STOML3: variants seen among roughly 807,000 people sequenced by gnomAD.
The protein encoded by STOML3 is stomatin-like protein 3.
Under a neutral mutation model 29.5 loss-of-function variants are expected in STOML3, and 31 were observed. The ratio of observed to expected loss-of-function variants is 1.05; its 90% confidence interval spans 0.79 to 1.42. The LOEUF (loss-of-function observed/expected upper bound fraction) is 1.42, where lower values mean the gene tolerates loss of function less well. Among genes scored for constraint, STOML3 ranks in the 40% most tolerant of loss-of-function variants. STOML3 has a pLI of 0.00. For synonymous variants in STOML3, 122 were observed against 139.8 expected (o/e 0.87, Z 0.90); for missense variants, 380 against 363.0 (o/e 1.05, Z -0.38).
At chr13:38,987,359 C>CA (rs1200578154) in intron 1 of STOML3, among the ~76,000 whole-genome samples, 3 of 151,894 alleles carry the variant, frequency 2.0e-5, no homozygotes, top group Non-Finnish European at 4.4e-5. Flanking sequence ...CTGATTTCTA[C>CA]AAAAAAATAC....
Position 38,966,829 on chromosome 13 carries a change from G to A in STOML3, c.872C>T (p.Ala291Val). 6.2e-7 allele frequency: 1 copy of A among 1,612,750 alleles called. No individual in the cohort carries two copies. The highest frequency in any genetic ancestry group is 8.5e-7 in the Non-Finnish European group (1 of 1,179,820). Residue 291 changes from alanine to valine, a missense_variant, in exon 7 of 7, where the codon GCC (alanine) becomes GTC (valine). By Grantham distance (64) the Ala-to-Val change is moderately conservative. Coordinates refer to ENST00000379631, the MANE Select transcript of STOML3 (RefSeq NM_145286.3). ...YDNHKKLPNK[A>V] Reference sequence around the variant, plus strand: ...GCTGACTACCGCAAGAGGACCTCAGGCTTTATTTGGAAGCTTCTTGTGGTT... The same window carrying A: ...GCTGACTACCGCAAGAGGACCTCAGACTTTATTTGGAAGCTTCTTGTGGTT...
At chr13:38,980,281 C>G (rs1254429198) in intron 1 of STOML3, 1 of 699,216 alleles carries the variant, frequency 1.4e-6, no homozygotes, top group Admixed American at 2.5e-5. Flanking sequence ...GTGAGTGCTG[C>G]TGTCACCTTC....
chr13:38,980,392 C>T (rs1881231480), intron 1 of STOML3, among the ~76,000 whole-genome samples: 2 of 152,178 alleles, frequency 1.3e-5, no homozygotes. Flanking sequence ...CACTCACTCC[C>T]ACAGTTGAAA....
At chr13:38,975,148 G>T (rs917502658) in intron 3 of STOML3, among the ~76,000 whole-genome samples, 14 of 152,028 alleles carry the variant, frequency 9.2e-5, no homozygotes, top group African/African-American at 3.4e-4. Flanking sequence ...AGGCCAACAT[G>T]GTGAAACCCC....
At chr13:38,988,387 CAT>C (rs1161537486) in intron 1 of STOML3, among the ~76,000 whole-genome samples, 1 of 86,504 alleles carries the variant, frequency 1.2e-5, no homozygotes, top group Admixed American at 1.7e-4. Context: ...TATTTTATAT[CAT>C]ATATTTTATA....
intron 1 of STOML3, among the ~76,000 whole-genome samples, chr13:38,978,604 C>CG (rs1881174804): frequency 6.6e-6 from 1 of 152,170 alleles, no homozygotes. Flanking sequence ...ACCCTACAAA[C>CG]GCCATATACT....
chr13:38,975,791 A>G (rs866114451), intron 3 of STOML3, among the ~76,000 whole-genome samples: 3 of 152,118 alleles, frequency 2.0e-5, no homozygotes, highest in Non-Finnish European at 2.9e-5. Flanking sequence ...TTTAGTATCC[A>G]CCCCAACCCC....
At chr13:38,978,310 C>A (rs140714140) in intron 1 of STOML3, among the ~76,000 whole-genome samples, 2,472 of 152,112 alleles carry the variant, frequency 0.016, 65 homozygotes, top group African/African-American at 0.057. Context: ...CCTGCCACCA[C>A]GCCTGGCTAA....
At chr13:38,988,565 T>C (rs1257364372) in intron 1 of STOML3, among the ~76,000 whole-genome samples, 1 of 109,648 alleles carries the variant, frequency 9.1e-6, no homozygotes, top group Non-Finnish European at 1.7e-5. Flanking sequence ...TTATATATAA[T>C]ATATTTTATA....
At chr13:38,970,161 G>C in intron 5 of STOML3, 24 bp downstream of exon 5, 1 of 1,593,568 alleles carries the variant, frequency 6.3e-7, no homozygotes, top group Non-Finnish European at 8.6e-7. Flanking sequence ...AAAGATACAG[G>C]CTATTAGTTC....
chr13:38,966,741 G>A lies in STOML3; in HGVS notation c.*84C>T, dbSNP rs1057432650. The A allele has an allele frequency of 2.6e-6, 3 of 1,145,890 alleles. No individual in the cohort carries two copies. Among genetic ancestry groups the A allele is most frequent in the African/African-American group, 3.1e-5 (2 of 65,158 alleles). 71.0% of individuals were successfully genotyped at this position (1,145,890 alleles called of 1,614,324 possible). A position where few individuals can be genotyped will look rare whatever the true frequency, so the allele number is the denominator to read the frequency against. On this transcript the variant is annotated 3_prime_UTR_variant, in exon 7 of 7. Coordinates refer to ENST00000379631, the MANE Select transcript of STOML3 (RefSeq NM_145286.3). ...AGTTACTGTTACATGAACAGTGTTGGAATTCTCACCGTTTCTAACTACTGG... is the reference window on the plus strand; with the variant it reads ...AGTTACTGTTACATGAACAGTGTTGAAATTCTCACCGTTTCTAACTACTGG...
chr13:38,987,926 A>C lies in STOML3; in HGVS notation c.52+2744T>G, dbSNP rs186499993. ...ATATATAATATATTATATTTTATAT[A>C]ATATATTATGTTATATATAATATAT... On this transcript the variant is annotated intron_variant, in intron 1 of 6. Coordinates refer to ENST00000379631, the MANE Select transcript of STOML3 (RefSeq NM_145286.3). Among the ~76,000 whole-genome samples, 180 of 57,936 alleles carry C rather than the reference A, an allele frequency of 3.1e-3. 2 individuals carry two copies. Among genetic ancestry groups the C allele is most frequent in the African/African-American group, 9.0e-3 (64 of 7,122 alleles). The allele number at this position is 57,936 out of a possible 152,430, so 38.0% of individuals were successfully genotyped here.
At chr13:38,979,805 A>AG (rs1593504538) in intron 1 of STOML3, among the ~76,000 whole-genome samples, 1 of 152,206 alleles carries the variant, frequency 6.6e-6, no homozygotes, top group Non-Finnish European at 1.5e-5. Flanking sequence ...AGTATTGTGA[A>AG]GGCAGCACAG....
At position 38,987,007 on chromosome 13, in the gene STOML3, C is replaced by T. The variant is rs73169454; in HGVS notation, c.52+3663G>A. On this transcript the variant is annotated intron_variant, in intron 1 of 6. Transcript: ENST00000379631. ...TCACTTTAACTCTTAGAAGACAAAACAAATCAAAAAAGAATAAAAGGGGGG... is the reference window on the plus strand; with the variant it reads ...TCACTTTAACTCTTAGAAGACAAAATAAATCAAAAAAGAATAAAAGGGGGG... 7.5e-3 allele frequency among the ~76,000 whole-genome samples: 1,133 copies of T among 151,710 alleles called. 8 individuals carry two copies. Among genetic ancestry groups the T allele is most frequent in the Non-Finnish European group, 0.01 (688 of 67,898 alleles).
At chr13:38,968,565 A>C (rs1389205334) in intron 5 of STOML3, 31 bp from the exon 6 acceptor site, 1 of 1,612,750 alleles carries the variant, frequency 6.2e-7, no homozygotes. Context: ...AAGACTAATA[A>C]GAAAGACAGG....
intron 1 of STOML3, among the ~76,000 whole-genome samples, chr13:38,977,367 A>C (rs1881117751): frequency 6.6e-6 from 1 of 152,226 alleles, no homozygotes; most frequent in South Asian, 2.1e-4. Context: ...CTTCATCTGT[A>C]GAATGGGGCT....
At chr13:38,970,422 T>C (rs1338267462) in intron 4 of STOML3, 34 bp from the exon 5 acceptor site, 3 of 1,584,292 alleles carry the variant, frequency 1.9e-6, no homozygotes, top group Non-Finnish European at 2.6e-6. Flanking sequence ...ATCACTTATT[T>C]ATGACTTTCA....
chr13:38,981,370 G>A (rs1025337531), intron 1 of STOML3, among the ~76,000 whole-genome samples: 5 of 152,170 alleles, frequency 3.3e-5, no homozygotes, highest in African/African-American at 1.2e-4. Flanking sequence ...TTAGGACCAG[G>A]GCCCAACACT....
intron 1 of STOML3, 94 bp downstream of exon 1, chr13:38,990,576 A>G (rs1195396931): frequency 3.2e-6 from 4 of 1,254,062 alleles, no homozygotes; most frequent in Non-Finnish European, 4.5e-6. Context: ...CTGCAAATAT[A>G]TCTCATACTT....
Sources: gnomAD v4.1 joint callset for allele counts (sites outside exome capture counted in the v4.1 genomes callset) on GRCh38, gnomAD v4.1.1 for gene constraint, MANE v1.5 for transcripts, NCBI Gene and HGNC (gene_info 2026-07-23, HGNC 2026-07-21) for gene names.